Variants in NRXN3 observed in about 807,000 individuals in gnomAD.
NRXN3 encodes the protein neurexin 3, also known as neurexin III.
A neutral mutation model predicts 137.6 loss-of-function variants in NRXN3; 32 were observed. The observed-to-expected ratio is 0.23, with a 90% CI of 0.18 to 0.31. The LOEUF (loss-of-function observed/expected upper bound fraction) is 0.31. NRXN3 is among the 10% of genes least tolerant of loss of function. The probability of loss-of-function intolerance (pLI) is 1.00; values close to 1 mark genes in which losing one functional copy is unlikely to be tolerated. For synonymous variants in NRXN3, 798 were observed against 784.5 expected (o/e 1.02, Z -0.29); for missense variants, 1,574 against 2,062.5 (o/e 0.76, Z 4.59).
chr14:78,565,363 C>T (rs1389723420), intron 4 of NRXN3, among the ~76,000 whole-genome samples: 1 of 152,316 alleles, frequency 6.6e-6, no homozygotes, highest in East Asian at 1.9e-4. Context: ...ACTGAAGGTT[C>T]AGGTAGAGAG....
At chr14:78,716,670 G>A (rs1230483785) in intron 8 of NRXN3, among the ~76,000 whole-genome samples, 1 of 152,150 alleles carries the variant, frequency 6.6e-6, no homozygotes, top group Non-Finnish European at 1.5e-5. Context: ...AGGGCTGAAT[G>A]ACCAGTTTTC....
At chr14:79,636,386 C>A (rs925713401) in intron 16 of NRXN3, among the ~76,000 whole-genome samples, 4 of 152,046 alleles carry the variant, frequency 2.6e-5, no homozygotes, top group African/African-American at 9.7e-5. Context: ...ACTGTGAGTT[C>A]TTTTGTTTTT....
chr14:79,180,506 T>C (rs969589626), intron 15 of NRXN3, among the ~76,000 whole-genome samples: 4 of 152,226 alleles, frequency 2.6e-5, no homozygotes, highest in African/African-American at 4.8e-5. Flanking sequence ...TGAAGAGTGA[T>C]ACTTTGCTGA....
At position 79,478,616 on chromosome 14, in the gene NRXN3, G is replaced by A. The variant is rs185636429; in HGVS notation, c.3444+11214G>A. Among the ~76,000 whole-genome samples, 92 of 152,126 alleles carry A rather than the reference G, an allele frequency of 6.0e-4. 1 individual carries two copies. Among genetic ancestry groups the A allele is most frequent in the Middle Eastern group, 3.4e-3 (1 of 294 alleles). ...GTGTAGCTACTATTCTGCCACCCTCGTAATATTGTGGGAAAAATCCAATGA... is the reference window on the plus strand; with the variant it reads ...GTGTAGCTACTATTCTGCCACCCTCATAATATTGTGGGAAAAATCCAATGA... On this transcript the variant is annotated intron_variant, in intron 16 of 20. Transcript: ENST00000335750.
At chr14:78,894,505 A>C (rs545233185) in intron 10 of NRXN3, among the ~76,000 whole-genome samples, 31 of 152,014 alleles carry the variant, frequency 2.0e-4, no homozygotes, top group Non-Finnish European at 4.1e-4. Context: ...CCACATCTGC[A>C]TCTACTTTCT....
chr14:78,185,434 A>G (rs908874693), intron 1 of NRXN3, among the ~76,000 whole-genome samples: 3 of 152,226 alleles, frequency 2.0e-5, no homozygotes, highest in Admixed American at 2.0e-4. Context: ...GGGGATCAAA[A>G]TTTCCAGCAC....
intron 4 of NRXN3, among the ~76,000 whole-genome samples, chr14:78,416,696 A>G (rs374829307): frequency 6.6e-6 from 1 of 152,322 alleles, no homozygotes; most frequent in East Asian, 1.9e-4. Flanking sequence ...CTAGCACCGA[A>G]TTACACTCAC....
chr14:78,526,151 T>G (rs906471691), intron 4 of NRXN3, among the ~76,000 whole-genome samples: 1 of 152,172 alleles, frequency 6.6e-6, no homozygotes. Context: ...ACAGCTGAAT[T>G]CCAGAGATGA....
chr14:79,600,304 G>C (rs1438769365), intron 16 of NRXN3, among the ~76,000 whole-genome samples: 1 of 152,134 alleles, frequency 6.6e-6, no homozygotes, highest in Admixed American at 6.5e-5. Context: ...GCTCCTTAGA[G>C]AGTTTCCAAT....
intron 2 of NRXN3, among the ~76,000 whole-genome samples, chr14:78,245,109 AG>A (rs1380079118): frequency 6.6e-6 from 1 of 152,206 alleles, no homozygotes; most frequent in Non-Finnish European, 1.5e-5. Context: ...ACAGGAGGCA[AG>A]GAAGTCACAT....
rs1603451491 is a variant in NRXN3 at position 79,731,110 on chromosome 14, T to C, written c.4014+33173T>C. 2.0e-5 allele frequency among the ~76,000 whole-genome samples: 3 copies of C among 152,146 alleles called. 1 individual carries two copies. The East Asian group carries it at 5.8e-4, about 29-fold the overall frequency. ...TTTCTGTGGTTGGAGTAGAGAAAAA[T>C]AGTGGTGTTTTCTGAGATCTCAACT... On this transcript the variant is annotated intron_variant, in intron 19 of 20. Coordinates refer to ENST00000335750, the MANE Select transcript of NRXN3 (RefSeq NM_001330195.2).
chr14:79,531,862 T>A (rs866718103), intron 16 of NRXN3, among the ~76,000 whole-genome samples: 1 of 152,316 alleles, frequency 6.6e-6, no homozygotes, highest in South Asian at 2.1e-4. Flanking sequence ...CAACTGAAGT[T>A]ACTAAGGTAA....
chr14:79,584,806 G>T (rs896139332), intron 16 of NRXN3, among the ~76,000 whole-genome samples: 39 of 152,252 alleles, frequency 2.6e-4, no homozygotes, highest in African/African-American at 9.4e-4. Flanking sequence ...AGGGAGCCAT[G>T]AACTCCCTGC....
intron 5 of NRXN3, among the ~76,000 whole-genome samples, chr14:78,650,534 G>A (rs1236796609): frequency 1.3e-5 from 2 of 152,142 alleles, no homozygotes; most frequent in South Asian, 2.1e-4. Context: ...GGAGCCAAGG[G>A]AGGGTAGGGA....
At chr14:79,257,955 A>G (rs2077024304) in intron 15 of NRXN3, among the ~76,000 whole-genome samples, 1 of 152,044 alleles carries the variant, frequency 6.6e-6, no homozygotes, top group African/African-American at 2.4e-5. Flanking sequence ...GACTGGAAAA[A>G]AAAAAGTTGT....
intron 15 of NRXN3, among the ~76,000 whole-genome samples, chr14:79,043,345 C>T (rs1393239208): frequency 1.3e-5 from 2 of 152,120 alleles, no homozygotes; most frequent in African/African-American, 4.8e-5. Context: ...CAAAGCAACC[C>T]TGTAGCGTGA....
At chr14:79,142,203 C>T (rs556877105) in intron 15 of NRXN3, among the ~76,000 whole-genome samples, 86 of 152,084 alleles carry the variant, frequency 5.7e-4, no homozygotes, top group African/African-American at 1.8e-3. Context: ...CCGAGGTGGA[C>T]GGGTCACAAA....
chr14:78,877,622 T>C (rs1309321195), intron 10 of NRXN3, among the ~76,000 whole-genome samples: 2 of 152,226 alleles, frequency 1.3e-5, no homozygotes, highest in African/African-American at 4.8e-5. Context: ...GCTCAACAAA[T>C]ATTTGATTAA....
intron 8 of NRXN3, among the ~76,000 whole-genome samples, chr14:78,731,065 C>T (rs78047519): frequency 0.019 from 2,863 of 152,240 alleles, 48 homozygotes; most frequent in Middle Eastern, 0.037. Context: ...GTGATCCTTT[C>T]AAACCACTTT....
Sources: gnomAD v4.1 joint callset for allele counts (sites outside exome capture counted in the v4.1 genomes callset) on GRCh38, gnomAD v4.1.1 for gene constraint, MANE v1.5 for transcripts, NCBI Gene and HGNC (gene_info 2026-07-23, HGNC 2026-07-21) for gene names.